The following PLD1 variants were observed in gnomAD, a reference collection of about 807,000 sequenced individuals.
PLD1 encodes the protein phospholipase D1.
Under a neutral mutation model 137.1 loss-of-function variants are expected in PLD1, and 112 were observed. The ratio of observed to expected loss-of-function variants is 0.82; its 90% CI spans 0.70 to 0.96. The LOEUF (loss-of-function observed/expected upper bound fraction) is 0.96, where lower values mean the gene tolerates loss of function less well. PLD1 is among the 40% of genes least tolerant of loss of function. The pLI is 0.00. For missense variants in PLD1, 1,321 were observed against 1,342.0 expected, an observed-to-expected ratio of 0.98 and a Z score of 0.24; for synonymous variants, 431 against 454.7, an observed-to-expected ratio of 0.95 and a Z score of 0.66.
At chr3:171,703,899 G>A (rs1444018977) in intron 11 of PLD1, among the ~76,000 whole-genome samples, 2 of 152,176 alleles carry the variant, frequency 1.3e-5, no homozygotes, top group Non-Finnish European at 2.9e-5. Flanking sequence ...AACCTCTGAG[G>A]CAGGGGAAAT....
intron 16 of PLD1, among the ~76,000 whole-genome samples, chr3:171,684,831 C>T (rs1045949204): frequency 8.5e-5 from 13 of 152,320 alleles, no homozygotes; most frequent in African/African-American, 3.1e-4. Flanking sequence ...AAGCAATCCT[C>T]CTGCTTCAGC....
At chr3:171,648,984 T>C (rs1736499736) in intron 21 of PLD1, among the ~76,000 whole-genome samples, 1 of 152,130 alleles carries the variant, frequency 6.6e-6, no homozygotes, top group Non-Finnish European at 1.5e-5. Context: ...AAAGTAACTA[T>C]TTTGATATTT....
intron 11 of PLD1, among the ~76,000 whole-genome samples, chr3:171,703,002 C>T (rs770620899): frequency 6.6e-6 from 1 of 152,104 alleles, no homozygotes; most frequent in South Asian, 2.1e-4. Context: ...AATAATACTA[C>T]ATCATGATCA....
intron 18 of PLD1, among the ~76,000 whole-genome samples, chr3:171,675,601 C>T (rs1713266368): frequency 6.6e-6 from 1 of 152,092 alleles, no homozygotes; most frequent in African/African-American, 2.4e-5. Flanking sequence ...TTTATCTTTG[C>T]CAGTATAGCA....
chr3:171,656,153 T>TA (rs1310623318), intron 21 of PLD1, among the ~76,000 whole-genome samples: 6 of 148,706 alleles, frequency 4.0e-5, no homozygotes, highest in African/African-American at 1.0e-4. Context: ...TAAAATACTA[T>TA]AATTTTATTT....
intron 1 of PLD1, among the ~76,000 whole-genome samples, chr3:171,742,508 G>T (rs72622534): frequency 0.27 from 40,829 of 151,842 alleles, 5,896 homozygotes; most frequent in Admixed American, 0.32. Flanking sequence ...TTTTCTAGCT[G>T]CTATTGTACT....
Position 171,733,441 on chromosome 3 carries a change from TA to T in PLD1, c.606+2del. ...CAAACTTAAATCACTGACTAGTACT[TA>T]CTGTGGCATGATAGTTTCTATACAT... is the stretch of plus-strand genomic sequence containing the variant. On this transcript the variant is annotated splice_donor_variant, in intron 6 of 26. Transcript: ENST00000351298. LOFTEE classifies it high-confidence loss of function. 1 of 1,180,528 alleles carries T rather than the reference TA, an allele frequency of 8.5e-7. No homozygotes were observed. The highest frequency in any genetic ancestry group is 1.3e-6 in the Non-Finnish European group (1 of 794,326). The allele number at this position is 1,180,528 out of a possible 1,614,324, so 73.1% of individuals were successfully genotyped here.
chr3:171,656,156 T>TTTTTTTTA (rs1553810398), intron 21 of PLD1, among the ~76,000 whole-genome samples: 2 of 145,360 alleles, frequency 1.4e-5, no homozygotes, highest in African/African-American at 5.1e-5. Flanking sequence ...AATACTATAA[T>TTTTTTTTA]TTTATTTATT....
chr3:171,746,714 G>A (rs552180371), intron 1 of PLD1, among the ~76,000 whole-genome samples: 2 of 152,236 alleles, frequency 1.3e-5, no homozygotes, highest in East Asian at 3.9e-4. Flanking sequence ...GTTTGTAAAT[G>A]CACCAATCAG....
chr3:171,613,122 A>G (rs1034195216), intron 24 of PLD1, among the ~76,000 whole-genome samples: 8 of 152,176 alleles, frequency 5.3e-5, no homozygotes, highest in African/African-American at 1.9e-4. Flanking sequence ...GTGGGCTGTA[A>G]CTGCACCACT....
At chr3:171,732,459 T>C (rs1485389418) in intron 6 of PLD1, among the ~76,000 whole-genome samples, 1 of 152,190 alleles carries the variant, frequency 6.6e-6, no homozygotes, top group East Asian at 1.9e-4. Flanking sequence ...GACAGCTGGA[T>C]GTATATTTGG....
chr3:171,699,729 C>T lies in PLD1; in HGVS notation c.1227+16G>A. The T allele has an allele frequency of 6.3e-7, 1 of 1,579,120 alleles. No individual in the cohort carries two copies. The highest frequency in any genetic ancestry group is 8.7e-7 in the Non-Finnish European group (1 of 1,150,204). The stretch of plus-strand genomic sequence containing the variant: ...AGTTAAAAAATTATATCAGCATTTT[C>T]TGGGAAAGTACATACTGCTTTTCGT... On this transcript the variant is annotated intron_variant, in intron 12 of 26. Transcript: ENST00000351298.
chr3:171,771,262 C>T (rs1281575731), intron 1 of PLD1: 1 of 152,214 alleles, frequency 6.6e-6, no homozygotes, highest in Non-Finnish European at 1.5e-5. Context: ...TGAAACCAAT[C>T]TCCAAGGCAG....
At chr3:171,792,570 G>T (rs1022278077) in intron 1 of PLD1, 2 of 456,654 alleles carry the variant, frequency 4.4e-6, no homozygotes, top group South Asian at 3.1e-5. Context: ...AAGAGGGCCT[G>T]TTTCCCTGCC....
intron 1 of PLD1, among the ~76,000 whole-genome samples, chr3:171,807,621 G>A (rs905231907): frequency 2.6e-5 from 4 of 152,074 alleles, no homozygotes; most frequent in Admixed American, 6.6e-5. Context: ...ATACACTGTC[G>A]GTTGGAACGT....
At chr3:171,696,407 A>C (rs1274288793) in intron 12 of PLD1, among the ~76,000 whole-genome samples, 1 of 152,244 alleles carries the variant, frequency 6.6e-6, no homozygotes, top group African/African-American at 2.4e-5. Flanking sequence ...CAACTTGGTT[A>C]TTAATCAGAT....
chr3:171,697,128 A>G (rs2108534576), intron 12 of PLD1, among the ~76,000 whole-genome samples: 1 of 152,170 alleles, frequency 6.6e-6, no homozygotes, highest in Non-Finnish European at 1.5e-5. Context: ...AGCTTTCTCA[A>G]GTTAACTTAG....
chr3:171,675,337 T>A (rs1031911484), intron 18 of PLD1, among the ~76,000 whole-genome samples: 3 of 152,236 alleles, frequency 2.0e-5, no homozygotes, highest in African/African-American at 7.2e-5. Flanking sequence ...GAATCATTTG[T>A]TTAATAAATT....
intron 1 of PLD1, among the ~76,000 whole-genome samples, chr3:171,766,595 G>A (rs1721990695): frequency 6.6e-6 from 1 of 151,964 alleles, no homozygotes; most frequent in South Asian, 2.1e-4. Context: ...AATTGTGATG[G>A]TCCGTCATGC....
Sources: gnomAD v4.1 joint callset for allele counts (sites outside exome capture counted in the v4.1 genomes callset) on GRCh38, gnomAD v4.1.1 for gene constraint, MANE v1.5 for transcripts, NCBI Gene and HGNC (gene_info 2026-07-23, HGNC 2026-07-21) for gene names.